Variants in RAB5A observed in about 807,000 individuals in gnomAD.
RAB5A encodes the protein ras-related protein Rab-5A.
Under a neutral mutation model 25.7 loss-of-function variants are expected in RAB5A, and 8 were observed. The ratio of observed to expected loss-of-function variants is 0.31; its 90% CI spans 0.18 to 0.56. The LOEUF (loss-of-function observed/expected upper bound fraction) is 0.56. Ranked by LOEUF, RAB5A falls within the 20% of genes least tolerant of loss-of-function variation. The pLI, the probability that RAB5A is intolerant of heterozygous loss-of-function variation, is 0.91. For synonymous variants in RAB5A, 98 were observed against 89.8 expected (o/e 1.09, Z -0.52); for missense variants, 192 against 259.7 (o/e 0.74, Z 1.79).
At chr3:19,980,431 C>T (rs1035928899) in intron 5 of RAB5A, among the ~76,000 whole-genome samples, 18 of 146,890 alleles carry the variant, frequency 1.2e-4, no homozygotes, top group African/African-American at 4.3e-4. Flanking sequence ...CCATTTCCTT[C>T]ACTAGGTTAG....
intron 2 of RAB5A, among the ~76,000 whole-genome samples, chr3:19,963,364 ACCCC>A (rs201742105): frequency 0.33 from 20,120 of 61,874 alleles, 3,077 homozygotes; most frequent in South Asian, 0.49. Flanking sequence ...TTAGAATTTC[ACCCC>A]CCCCCCCCCC....
chr3:19,949,447 C>T (rs1401977695), intron 1 of RAB5A, among the ~76,000 whole-genome samples: 2 of 152,222 alleles, frequency 1.3e-5, no homozygotes, highest in South Asian at 2.1e-4. Context: ...TCAGAGTCCT[C>T]CTGCCTCACC....
rs1332518234 is a variant in RAB5A at position 19,985,051 on chromosome 3, A to T, written c.*1228A>T. On this transcript the variant is annotated 3_prime_UTR_variant, in exon 6 of 6. Transcript: ENST00000273047. ...CCATGTGTCAGAGATGATTTAATCT[A>T]TTTAAGTGTTGGACTGCTAGGAGAA... 3.0e-5 allele frequency: 7 copies of T among 231,260 alleles called. 1 individual carries two copies. Among genetic ancestry groups the T allele is most frequent in the African/African-American group, 1.6e-4 (7 of 43,228 alleles). The allele number at this position is 231,260 out of a possible 1,614,324, so 14.3% of individuals were successfully genotyped here.
chr3:19,953,711 C>T (rs568130731), intron 2 of RAB5A, among the ~76,000 whole-genome samples: 3 of 152,024 alleles, frequency 2.0e-5, no homozygotes, highest in South Asian at 2.1e-4. Context: ...CCTGGCCCAA[C>T]TTTCTGTTAA....
At chr3:19,969,434 T>A (rs1471031735) in intron 2 of RAB5A, among the ~76,000 whole-genome samples, 1 of 152,242 alleles carries the variant, frequency 6.6e-6, no homozygotes, top group Non-Finnish European at 1.5e-5. Context: ...CCTTTTCTGT[T>A]CTTTTGTGAA....
intron 2 of RAB5A, among the ~76,000 whole-genome samples, chr3:19,966,443 G>A (rs557657160): frequency 3.0e-4 from 46 of 152,230 alleles, no homozygotes; most frequent in African/African-American, 1.1e-3. Flanking sequence ...GTCCATCATT[G>A]GACACTTAGG....
chr3:19,965,753 TGGGGCA>T (rs1174437174), intron 2 of RAB5A, among the ~76,000 whole-genome samples: 1 of 152,038 alleles, frequency 6.6e-6, no homozygotes, highest in East Asian at 1.9e-4. Context: ...CTTTATTTTT[TGGGGCA>T]GGGGTTGGGA....
At chr3:19,976,704 A>G (rs995667879) in intron 4 of RAB5A, among the ~76,000 whole-genome samples, 1 of 152,174 alleles carries the variant, frequency 6.6e-6, no homozygotes, top group African/African-American at 2.4e-5. Flanking sequence ...AAAGAAAAAC[A>G]GTAAAAGTAG....
chr3:19,953,057 A>G (rs1332696858), intron 2 of RAB5A, among the ~76,000 whole-genome samples: 3 of 149,442 alleles, frequency 2.0e-5, no homozygotes, highest in African/African-American at 7.7e-5. Flanking sequence ...CTCTCTCTTT[A>G]TTATTTTATT....
chr3:19,965,271 T>C lies in RAB5A; in HGVS notation c.164-10330T>C, dbSNP rs1321733994. On this transcript the variant is annotated intron_variant, in intron 2 of 5. Coordinates refer to ENST00000273047, the MANE Select transcript of RAB5A (RefSeq NM_004162.5). ...GCATCAGTATGTTAGAAATACCTAG[T>C]GTTAGCCGGGTGTGGTTGTGTGTGC... is the stretch of plus-strand genomic sequence containing the variant. Among the ~76,000 whole-genome samples the C allele has an allele frequency of 2.6e-5, 4 of 152,178 alleles. No individual in the cohort carries two copies. The East Asian group carries it at 7.8e-4, about 30-fold the overall frequency.
intron 2 of RAB5A, among the ~76,000 whole-genome samples, chr3:19,960,286 A>G (rs1229703285): frequency 2.6e-5 from 4 of 152,134 alleles, no homozygotes; most frequent in African/African-American, 7.2e-5. Context: ...AGAGTAAGAA[A>G]AGCAATAAGA....
At chr3:19,951,701 G>GTTTTTTTTTTTTTTT (rs61250458) in intron 2 of RAB5A, among the ~76,000 whole-genome samples, 7,580 of 98,306 alleles carry the variant, frequency 0.077, 779 homozygotes, top group Non-Finnish European at 0.12. Context: ...TGCCAGGCAA[G>GTTTTTTTTTTTTTTT]TTTTTTTTTT....
At position 19,981,485 on chromosome 3, in the gene RAB5A, G is replaced by A. The variant is rs370357285; in HGVS notation, c.533-2223G>A. Among the ~76,000 whole-genome samples the A allele has an allele frequency of 8.7e-4, 132 of 152,156 alleles. 1 individual carries two copies. Among genetic ancestry groups the A allele is most frequent in the African/African-American group, 2.9e-3 (119 of 41,516 alleles). ...AAAAATTAGCTGGGTGTGGTGGTAT[G>A]TGCCTGTAGTCCCAGCTACTTGGGA... On this transcript the variant is annotated intron_variant, in intron 5 of 5. Coordinates refer to ENST00000273047, the MANE Select transcript of RAB5A (RefSeq NM_004162.5).
chr3:19,978,273 TATATCTC>T (rs749039448), intron 4 of RAB5A, 30 bp from the exon 5 acceptor site: 19 of 1,335,152 alleles, frequency 1.4e-5, no homozygotes, highest in East Asian at 2.3e-5. Flanking sequence ...TTCCAAGAGA[TATATCTC>T]ATATATCTCA....
chr3:19,964,849 A>C (rs1222118533), intron 2 of RAB5A, among the ~76,000 whole-genome samples: 1 of 150,922 alleles, frequency 6.6e-6, no homozygotes, highest in Admixed American at 6.6e-5. Flanking sequence ...CTCAGGTCCC[A>C]CCTTGGCCTC....
At chr3:19,969,077 T>A (rs1308324403) in intron 2 of RAB5A, among the ~76,000 whole-genome samples, 1 of 132,360 alleles carries the variant, frequency 7.6e-6, no homozygotes, top group Non-Finnish European at 1.6e-5. Flanking sequence ...GGAGTCTCAC[T>A]CTTGTTGCCC....
chr3:19,957,915 T>G (rs933613589), intron 2 of RAB5A, among the ~76,000 whole-genome samples: 2 of 152,164 alleles, frequency 1.3e-5, no homozygotes, highest in Non-Finnish European at 2.9e-5. Context: ...AGTTACTTCC[T>G]AAACAGAAAA....
intron 2 of RAB5A, among the ~76,000 whole-genome samples, chr3:19,969,902 C>A (rs1202054431): frequency 6.6e-6 from 1 of 152,190 alleles, no homozygotes; most frequent in Admixed American, 6.5e-5. Context: ...CTCCCGGGTT[C>A]AAGTGATTCT....
intron 2 of RAB5A, among the ~76,000 whole-genome samples, chr3:19,963,478 T>G (rs1039470677): frequency 4.0e-5 from 6 of 150,912 alleles, no homozygotes; most frequent in Middle Eastern, 3.2e-3. Flanking sequence ...ATTCTAATCT[T>G]CATCCTTTTT....
Sources: gnomAD v4.1 joint callset for allele counts (sites outside exome capture counted in the v4.1 genomes callset) on GRCh38, gnomAD v4.1.1 for gene constraint, MANE v1.5 for transcripts, NCBI Gene and HGNC (gene_info 2026-07-23, HGNC 2026-07-21) for gene names.